MARS1: variants seen among roughly 807,000 people sequenced by gnomAD.
MARS1 encodes methionyl-tRNA synthetase 1, also known as methionine--tRNA ligase, cytoplasmic.
Under a neutral mutation model 119.5 loss-of-function variants are expected in MARS1, and 80 were observed. The ratio of observed to expected loss-of-function variants is 0.67; its 90% CI spans 0.56 to 0.81. The LOEUF (loss-of-function observed/expected upper bound fraction) is 0.81. Ranked by LOEUF, MARS1 falls within the 30% of genes least tolerant of loss-of-function variation. MARS1 has a pLI of 0.00. For missense variants in MARS1, 945 were observed against 1,116.5 expected (o/e 0.85, Z 2.19); for synonymous variants, 418 against 433.4 (o/e 0.96, Z 0.44).
chr12:57,489,971 G>C lies in MARS1; in HGVS notation c.490G>C (p.Glu164Gln). ...ACTGCAAGATCCCGCCTACCTCCCTGGTGAGAACTGTGCATATCACTCCAA... is the reference window on the plus strand; with the variant it reads ...ACTGCAAGATCCCGCCTACCTCCCTCGTGAGAACTGTGCATATCACTCCAA... ...PLLQDPAYLP[E>Q]ELSALHSWFQ... Residue 164 changes from glutamate (E) to glutamine (Q), a missense_variant and splice_region_variant, in exon 5 of 21, where the codon GAG becomes CAG. Coordinates refer to ENST00000262027, the MANE Select transcript of MARS1 (RefSeq NM_004990.4). The C allele has an allele frequency of 6.2e-7, 1 of 1,613,814 alleles. No homozygotes were observed.
At chr12:57,492,669 T>TCACACACACA (rs58931225) in intron 7 of MARS1, among the ~76,000 whole-genome samples, 51 of 139,546 alleles carry the variant, frequency 3.7e-4, no homozygotes, top group Admixed American at 7.2e-4. Context: ...CGACTCCATT[T>TCACACACACA]CACACACACA....
Position 57,512,042 on chromosome 12 carries a change from A to C in MARS1, c.1574A>C (p.Tyr525Ser). Residue 525 changes from tyrosine (Y) to serine (S), a missense_variant, in exon 13 of 21, where the codon TAT becomes TCT. Physicochemically the swap from Tyr to Ser is moderately radical, Grantham distance 144 (BLOSUM62 -2). Transcript: ENST00000262027. The stretch of plus-strand genomic sequence containing the variant: ...GTCTGGTTTGATGCCACTATTGGCT[A>C]TCTGTCCATCACAGCCAACTACACA... ...FYVWFDATIG[Y>S]LSITANYTDQ... is the part of the protein sequence containing the mutation. The C allele has an allele frequency of 6.2e-7, 1 of 1,614,144 alleles. No individual in the cohort carries two copies. Among genetic ancestry groups the C allele is most frequent in the Non-Finnish European group, 8.5e-7 (1 of 1,180,022 alleles).
chr12:57,500,629 A>G, intron 10 of MARS1, 107 bp downstream of exon 10: 1 of 1,047,264 alleles, frequency 9.5e-7, no homozygotes, highest in Non-Finnish European at 1.4e-6. Context: ...TAGACCTTTA[A>G]CCAGTGGCCC....
rs753577413 is a variant in MARS1 at position 57,504,246 on chromosome 12, C to T, written c.1315C>T (p.Arg439Ter). 8.1e-6 allele frequency: 13 copies of T among 1,613,950 alleles called. No homozygotes were observed. Among genetic ancestry groups the T allele is most frequent in the African/African-American group, 2.7e-5 (2 of 74,906 alleles). ...ELKKPQCKVCRSCPVVQSSQH... is the reference protein window; with the variant it reads ...ELKKPQCKVC ...GCAGAAGCCTCAGTGTAAAGTCTGC[C>T]GATCATGCCCTGTGGTGCAGTCGAG... is the stretch of plus-strand genomic sequence containing the variant. The change falls in exon 11 of 21, where the codon CGA becomes TGA. Residue 439 changes from arginine (R) to a stop codon, truncating the protein, a stop_gained. Coordinates refer to ENST00000262027, the MANE Select transcript of MARS1 (RefSeq NM_004990.4). LOFTEE classifies it high-confidence loss of function.
intron 14 of MARS1, 131 bp from the exon 15 acceptor site, chr12:57,512,620 C>T: frequency 1.3e-6 from 1 of 760,334 alleles, no homozygotes; most frequent in Admixed American, 2.6e-5. Flanking sequence ...AGCATACCAG[C>T]CCCTTAAGGA....
At chr12:57,515,106 C>T (rs1877725095) in intron 17 of MARS1, 44 bp from the exon 18 acceptor site, 2 of 1,613,792 alleles carry the variant, frequency 1.2e-6, no homozygotes, top group Non-Finnish European at 1.7e-6. Flanking sequence ...GGCTTGTAAG[C>T]TGTATCCTCC....
chr12:57,488,810 C>T, intron 1 of MARS1: 1 of 829,692 alleles, frequency 1.2e-6, no homozygotes, highest in Non-Finnish European at 1.9e-6. Flanking sequence ...TCTGTTGCTT[C>T]CAGCTGGCAG....
At position 57,504,227 on chromosome 12, in the gene MARS1, G is replaced by A. The variant is rs1307813628; in HGVS notation, c.1296G>A (p.Lys432=). Residue 432 remains lysine (K), a splice_region_variant and synonymous_variant, in exon 11 of 21, where the codon AAG becomes AAA. Transcript: ENST00000262027. ...GKLINAVELK[K]PQCKVCRSCP... Reference sequence around the variant, plus strand: ...TCCTCTGGAATTTTCCTTCGCAGAAGCCTCAGTGTAAAGTCTGCCGATCAT... The same window carrying A: ...TCCTCTGGAATTTTCCTTCGCAGAAACCTCAGTGTAAAGTCTGCCGATCAT... 11 of 1,613,612 alleles carry A rather than the reference G, an allele frequency of 6.8e-6. No individual in the cohort carries two copies. In the East Asian group the frequency reaches 2.2e-4, roughly 33 times the overall value.
At chr12:57,500,251 G>T in intron 9 of MARS1, 70 bp from the exon 10 acceptor site, 5 of 1,292,742 alleles carry the variant, frequency 3.9e-6, no homozygotes, top group Non-Finnish European at 5.6e-6. Context: ...TCCCTGGTTG[G>T]AGTGGCAGGA....
At chr12:57,500,635 G>T in intron 10 of MARS1, 113 bp downstream of exon 10, 1 of 954,642 alleles carries the variant, frequency 1.0e-6, no homozygotes. Context: ...TTTAACCAGT[G>T]GCCCTTTCTG....
At chr12:57,488,450 AC>A in intron 1 of MARS1, 1 of 979,084 alleles carries the variant, frequency 1.0e-6, no homozygotes. Flanking sequence ...TCCCCGCCTC[AC>A]CCCAGTAAAC....
chr12:57,514,714 A>C lies in MARS1; in HGVS notation c.1968-6A>C. 1 of 1,614,048 alleles carries C rather than the reference A, an allele frequency of 6.2e-7. No individual in the cohort carries two copies. Among genetic ancestry groups the C allele is most frequent in the Non-Finnish European group, 8.5e-7 (1 of 1,179,996 alleles). On this transcript the variant is annotated splice_region_variant and splice_polypyrimidine_tract_variant and intron_variant, in intron 15 of 20. Transcript: ENST00000262027. ...TTCCACTTCTGCTTTCCTACTCCCA[A>C]CCAAGAGCTGGGATGTTTGTGTCTA...
chr12:57,511,823 C>T lies in MARS1; in HGVS notation c.1494C>T (p.Asp498=). 6.2e-7 allele frequency: 1 copy of T among 1,614,206 alleles called. No homozygotes were observed. Among genetic ancestry groups the T allele is most frequent in the Non-Finnish European group, 8.5e-7 (1 of 1,180,030 alleles). Reference sequence around the variant, plus strand: ...TCAAGCCACGCTGCATAACCCGAGACCTCAAATGGGGAACCCCTGTACCCT... The same window carrying T: ...TCAAGCCACGCTGCATAACCCGAGATCTCAAATGGGGAACCCCTGTACCCT... ...DGLKPRCITR[D]LKWGTPVPLE... Residue 498 remains aspartate, a synonymous_variant, in exon 12 of 21, where the codon GAC becomes GAT. Coordinates refer to ENST00000262027, the MANE Select transcript of MARS1 (RefSeq NM_004990.4).
In MARS1 at chr12:57,489,108, C is replaced by T. The variant is rs777573935; in HGVS notation, c.199C>T (p.Arg67Ter). The change falls in exon 2 of 21, where the codon CGA (arginine) becomes TGA (stop). Residue 67 changes from arginine to a stop codon, truncating the protein, a stop_gained and splice_region_variant. Transcript: ENST00000262027. LOFTEE classifies it high-confidence loss of function. Reference sequence around the variant, plus strand: ...CCTCTTCTCCACTAGTGCAATCTGCCGGTCAGTATTGGTCCTTGGTGTAGG... The same window carrying T: ...CCTCTTCTCCACTAGTGCAATCTGCTGGTCAGTATTGGTCCTTGGTGTAGG... ...NYLFSTSAICRYFFLLSGWEQ... is the reference protein window; with the variant it reads ...NYLFSTSAIC 5.0e-6 allele frequency: 8 copies of T among 1,613,726 alleles called. No homozygotes were observed. The highest frequency in any genetic ancestry group is 4.5e-5 in the East Asian group (2 of 44,896).
At chr12:57,495,180 C>G (rs1876535509) in intron 7 of MARS1, among the ~76,000 whole-genome samples, 1 of 149,150 alleles carries the variant, frequency 6.7e-6, no homozygotes, top group Admixed American at 6.7e-5. Flanking sequence ...GGGGCTGCCC[C>G]CCACCTCCCG....
intron 5 of MARS1, 44 bp from the exon 6 acceptor site, chr12:57,490,163 C>G: frequency 6.3e-7 from 1 of 1,586,260 alleles, no homozygotes; most frequent in South Asian, 1.1e-5. Flanking sequence ...TCCTGCCTAC[C>G]AGGTCCTTAT....
At chr12:57,499,337 T>C (rs1475163941) in intron 9 of MARS1, among the ~76,000 whole-genome samples, 1 of 144,544 alleles carries the variant, frequency 6.9e-6, no homozygotes, top group East Asian at 2.0e-4. Context: ...GGCTCACACC[T>C]GTAATCCCAG....
At chr12:57,503,575 C>T (rs1333817945) in intron 10 of MARS1, among the ~76,000 whole-genome samples, 1 of 149,884 alleles carries the variant, frequency 6.7e-6, no homozygotes, top group East Asian at 1.9e-4. Context: ...GAGACAGAGT[C>T]TGCTCTGTCA....
chr12:57,501,832 A>C (rs1378788097), intron 10 of MARS1, among the ~76,000 whole-genome samples: 2 of 151,892 alleles, frequency 1.3e-5, no homozygotes, highest in Non-Finnish European at 2.9e-5. Flanking sequence ...AAAAAAAAAA[A>C]AAACCACAAA....
Sources: gnomAD v4.1 joint callset for allele counts (sites outside exome capture counted in the v4.1 genomes callset) on GRCh38, gnomAD v4.1.1 for gene constraint, MANE v1.5 for transcripts, NCBI Gene and HGNC (gene_info 2026-07-23, HGNC 2026-07-21) for gene names.